Variants in RBFOX3 observed in about 807,000 individuals in gnomAD.
The protein encoded by RBFOX3 is RNA binding fox-1 homolog 3.
A neutral mutation model predicts 48.7 loss-of-function variants in RBFOX3; 17 were observed. The ratio of observed to expected loss-of-function variants is 0.35; its 90% confidence interval spans 0.24 to 0.52. The LOEUF is 0.52. Among genes scored for constraint, RBFOX3 ranks in the 20% least tolerant of loss-of-function variants. RBFOX3 has a pLI of 0.94. For synonymous variants in RBFOX3, 212 were observed against 209.5 expected (o/e 1.01, Z -0.10); for missense variants, 382 against 497.5 (o/e 0.77, Z 2.21).
intron 1 of RBFOX3, among the ~76,000 whole-genome samples, chr17:79,545,177 C>T (rs11870994): frequency 0.065 from 9,926 of 152,168 alleles, 911 homozygotes; most frequent in African/African-American, 0.21. Context: ...AAGAAGTCCA[C>T]GTAGATCCTT....
intron 2 of RBFOX3, among the ~76,000 whole-genome samples, chr17:79,425,883 A>T (rs2067269945): frequency 6.6e-6 from 1 of 152,070 alleles, no homozygotes; most frequent in Non-Finnish European, 1.5e-5. Flanking sequence ...CCTTCCAGGG[A>T]TCTTGCTGCA....
intron 1 of RBFOX3, among the ~76,000 whole-genome samples, chr17:79,604,176 C>T (rs2093774539): frequency 6.6e-6 from 1 of 152,218 alleles, no homozygotes; most frequent in African/African-American, 2.4e-5. Flanking sequence ...AGATGTACAA[C>T]CTCAGAACCT....
chr17:79,267,807 G>T (rs867499187), intron 3 of RBFOX3, among the ~76,000 whole-genome samples: 14 of 152,114 alleles, frequency 9.2e-5, no homozygotes, highest in Middle Eastern at 3.2e-3. Flanking sequence ...GCCCAGGAAG[G>T]GTCTAAGGTG....
chr17:79,389,990 TCCAGGTCTCC>T (rs2061139711), intron 2 of RBFOX3, among the ~76,000 whole-genome samples: 4 of 7,762 alleles, frequency 5.2e-4, no homozygotes, highest in Non-Finnish European at 9.3e-4. Context: ...CTCCGCAGCC[TCCAGGTCTCC>T]GCAGCCTCCA....
At chr17:79,157,912 T>A (rs1196168280) in intron 4 of RBFOX3, among the ~76,000 whole-genome samples, 2 of 152,186 alleles carry the variant, frequency 1.3e-5, no homozygotes, top group African/African-American at 4.8e-5. Flanking sequence ...TAGACGGCCC[T>A]GGGGAGCTGC....
chr17:79,463,323 CCGCCACCTCCACCACCAT>C (rs1279214861), intron 2 of RBFOX3, among the ~76,000 whole-genome samples: 1 of 79,544 alleles, frequency 1.3e-5, no homozygotes, highest in Non-Finnish European at 2.9e-5. Flanking sequence ...GCCACTGCCA[CCGCCACCTCCACCACCAT>C]CGCCACCTCC....
At chr17:79,502,437 A>G (rs1426988977) in intron 1 of RBFOX3, among the ~76,000 whole-genome samples, 1 of 152,202 alleles carries the variant, frequency 6.6e-6, no homozygotes, top group African/African-American at 2.4e-5. Context: ...GAAGGTGGTG[A>G]TGGCCACACC....
rs1205714490 is a variant in RBFOX3 at position 79,479,362 on chromosome 17, G to A, written c.-175+3092C>T. Among the ~76,000 whole-genome samples, 1 of 152,192 alleles carries A rather than the reference G, an allele frequency of 6.6e-6. No individual in the cohort carries two copies. The highest frequency in any genetic ancestry group is 1.5e-5 in the Non-Finnish European group (1 of 67,996). On this transcript the variant is annotated intron_variant, in intron 2 of 14. Transcript: ENST00000693108. The surrounding 1 kb of genome is among the most constrained non-coding windows in gnomAD (Gnocchi z 5.1). ...CATGGCCCTCTTCCTTCAGACACCCGCCATCCACCATCCTGAAGGTGAATA... is the reference window on the plus strand; with the variant it reads ...CATGGCCCTCTTCCTTCAGACACCCACCATCCACCATCCTGAAGGTGAATA...
chr17:79,142,211 G>A (rs1038572510), intron 4 of RBFOX3, among the ~76,000 whole-genome samples: 22 of 152,074 alleles, frequency 1.4e-4, no homozygotes, highest in African/African-American at 4.3e-4. Flanking sequence ...CTCCCTGTGT[G>A]CCTTGTCTGT....
At chr17:79,663,523 C>G in the RBFOX3 span, among the ~76,000 whole-genome samples, 1 of 152,150 alleles carries the variant, frequency 6.6e-6, no homozygotes, top group South Asian at 2.1e-4. Context: ...GGTGTTTCCC[C>G]CAGAGAAGAT....
chr17:79,571,076 C>A (rs1267144513), intron 1 of RBFOX3, among the ~76,000 whole-genome samples: 2 of 152,146 alleles, frequency 1.3e-5, no homozygotes, highest in Non-Finnish European at 1.5e-5. Context: ...GCCAGTTCCA[C>A]GTCCCCGGCC....
Position 79,205,897 on chromosome 17 carries a change from A to G in RBFOX3, c.-34+29869T>C, listed in dbSNP as rs1367717423. 2.0e-5 allele frequency among the ~76,000 whole-genome samples: 3 copies of G among 150,022 alleles called. No individual in the cohort carries two copies. Among genetic ancestry groups the G allele is most frequent in the Non-Finnish European group, 4.4e-5 (3 of 67,846 alleles). ...TTACATAGGAAGGACAGCAATACAC[A>G]TTTCCTATCTTGCTGCAAGGCTGCA... On this transcript the variant is annotated intron_variant, in intron 4 of 14. Coordinates refer to ENST00000693108, the MANE Select transcript of RBFOX3 (RefSeq NM_001350451.2). This position sits in a 1 kb window ranked among gnomAD's most constrained non-coding sequence, Gnocchi z 4.5.
intron 4 of RBFOX3, among the ~76,000 whole-genome samples, chr17:79,153,174 C>T (rs2044984315): frequency 2.0e-5 from 3 of 152,174 alleles, no homozygotes; most frequent in African/African-American, 4.8e-5. Flanking sequence ...GGGTCCCTCC[C>T]ATTTTGCAGA....
At chr17:79,438,473 T>C (rs1383105395) in intron 2 of RBFOX3, among the ~76,000 whole-genome samples, 1 of 152,256 alleles carries the variant, frequency 6.6e-6, no homozygotes, top group Admixed American at 6.5e-5. Flanking sequence ...CCCAGGTCCA[T>C]GGCTCTGCTC....
intron 4 of RBFOX3, among the ~76,000 whole-genome samples, chr17:79,159,271 G>A (rs2046453263): frequency 6.6e-6 from 1 of 152,204 alleles, no homozygotes; most frequent in Non-Finnish European, 1.5e-5. Flanking sequence ...GGCAGAGGCA[G>A]GTTGGGATGA....
chr17:79,116,447 A>T (rs560057371), intron 4 of RBFOX3, among the ~76,000 whole-genome samples: 11 of 152,378 alleles, frequency 7.2e-5, no homozygotes, highest in Non-Finnish European at 1.5e-4. Flanking sequence ...CCTGGGAGGC[A>T]GGGGTTGCAG....
chr17:79,396,397 T>C (rs1037498412), intron 2 of RBFOX3, among the ~76,000 whole-genome samples: 6 of 152,230 alleles, frequency 3.9e-5, no homozygotes, highest in African/African-American at 1.4e-4. Flanking sequence ...GCCTTGCCCT[T>C]TAAAATGCAG....
intron 5 of RBFOX3, among the ~76,000 whole-genome samples, chr17:79,112,915 TGG>T (rs1189871020): frequency 5.0e-5 from 3 of 60,178 alleles, no homozygotes; most frequent in African/African-American, 1.6e-4. Flanking sequence ...GGGGGGGGGG[TGG>T]GCTGGGTAGG....
rs548495428 is a variant in RBFOX3, at chr17:79,420,313, A to G, written c.-175+62141T>C. 2.0e-5 allele frequency among the ~76,000 whole-genome samples: 3 copies of G among 152,344 alleles called. No homozygotes were observed. In the South Asian group the frequency reaches 6.2e-4, roughly 32 times the overall value. On this transcript the variant is annotated intron_variant, in intron 2 of 14. Transcript: ENST00000693108. ...CTGAGTGCATTTCAAATCTACTGCCATTTTTAAAAATACTTGTTTATCTAC... is the reference window on the plus strand; with the variant it reads ...CTGAGTGCATTTCAAATCTACTGCCGTTTTTAAAAATACTTGTTTATCTAC...
Sources: gnomAD v4.1 joint callset for allele counts (sites outside exome capture counted in the v4.1 genomes callset) on GRCh38, gnomAD v4.1.1 for gene constraint, Gnocchi (gnomAD v3.1) non-coding constraint, MANE v1.5 for transcripts, NCBI Gene and HGNC (gene_info 2026-07-23, HGNC 2026-07-21) for gene names.